The following CCDC180 variants were observed in gnomAD, a reference collection of about 807,000 sequenced individuals.
The protein encoded by CCDC180 is coiled-coil domain-containing protein 180.
Under a neutral mutation model 209.2 loss-of-function variants are expected in CCDC180, and 154 were observed. That is an observed-to-expected ratio of 0.74 (90% CI 0.65 to 0.84). The LOEUF is 0.84. Ranked by LOEUF, CCDC180 falls within the 40% of genes least tolerant of loss-of-function variation. CCDC180 has a pLI of 0.00. For missense variants in CCDC180, 1,874 were observed against 1,997.3 expected (o/e 0.94, Z 1.18); for synonymous variants, 778 against 749.1 (o/e 1.04, Z -0.63).
intron 22 of CCDC180, among the ~76,000 whole-genome samples, chr9:97,351,997 C>T (rs1380987842): frequency 6.6e-6 from 1 of 152,070 alleles, no homozygotes; most frequent in Non-Finnish European, 1.5e-5. Context: ...CCTGTAATCC[C>T]AGGTACTTGG....
chr9:97,308,522 G>A (rs571716719), intron 2 of CCDC180, among the ~76,000 whole-genome samples: 10 of 152,136 alleles, frequency 6.6e-5, no homozygotes, highest in African/African-American at 1.7e-4. Context: ...TTCTATGCCC[G>A]TGGGCGCCCA....
Position 97,349,206 on chromosome 9 carries a change from G to C in CCDC180, c.2770G>C (p.Glu924Gln). ...GCGGCTGATGTTCTGCCAGTTCCAA[G>C]AAGAGCAAAACGTGAGGAGCAAAAA... ...KKRLMFCQFQ[E>Q]EQNVRSKNFR... The change falls in exon 21 of 37, where the codon GAA becomes CAA. Residue 924 changes from glutamate (E) to glutamine (Q), a missense_variant. Coordinates refer to ENST00000529487, the MANE Select transcript of CCDC180 (RefSeq NM_020893.6). The C allele has an allele frequency of 6.5e-7, 1 of 1,536,626 alleles. No individual in the cohort carries two copies.
intron 18 of CCDC180, among the ~76,000 whole-genome samples, chr9:97,341,134 G>C (rs568311596): frequency 8.3e-4 from 127 of 152,270 alleles, no homozygotes; most frequent in African/African-American, 2.9e-3. Context: ...TGTGACCCAC[G>C]TGACCTTACC....
chr9:97,374,276 G>A (rs942157224), intron 34 of CCDC180: 4 of 432,852 alleles, frequency 9.2e-6, no homozygotes, highest in South Asian at 7.3e-5. Context: ...CTGCAGCAAC[G>A]TCAGAGCATC....
rs936516216 is a variant in CCDC180, at chr9:97,360,173, C to T, written c.3483+72C>T. On this transcript the variant is annotated intron_variant, in intron 26 of 36. Transcript: ENST00000529487. ...CTGGGCTCCCAGGAGACCTGCAGGGCTCAGTAGAGCCAAAGGGAAGAGGGG... is the reference window on the plus strand; with the variant it reads ...CTGGGCTCCCAGGAGACCTGCAGGGTTCAGTAGAGCCAAAGGGAAGAGGGG... 12 of 1,560,874 alleles carry T rather than the reference C, an allele frequency of 7.7e-6. No homozygotes were observed. The African/African-American group carries it at 1.2e-4, about 16-fold the overall frequency.
chr9:97,351,216 T>C (rs1826411491), intron 22 of CCDC180, among the ~76,000 whole-genome samples: 1 of 152,252 alleles, frequency 6.6e-6, no homozygotes, highest in South Asian at 2.1e-4. Flanking sequence ...TGTTTAACTT[T>C]GAGAGGAACC....
At chr9:97,318,398 T>C (rs1833247891) in intron 9 of CCDC180, 65 bp from the exon 10 acceptor site, 2 of 1,584,038 alleles carry the variant, frequency 1.3e-6, no homozygotes, top group Non-Finnish European at 1.7e-6. Context: ...TGGTTCTCTT[T>C]CCCTCTCTCA....
chr9:97,363,986 C>T (rs1826841120), intron 28 of CCDC180, 65 bp from the exon 29 acceptor site: 1 of 1,494,242 alleles, frequency 6.7e-7, no homozygotes, highest in African/African-American at 1.4e-5. Flanking sequence ...AGGGATCCTG[C>T]AGGCTCAGAC....
intron 8 of CCDC180, 88 bp from the exon 9 acceptor site, chr9:97,316,977 G>A: frequency 3.0e-6 from 4 of 1,326,862 alleles, no homozygotes; most frequent in Non-Finnish European, 4.1e-6. Context: ...CCCCTCTCCA[G>A]CCTCCCACTG....
chr9:97,358,939 G>A (rs79115393), intron 25 of CCDC180, among the ~76,000 whole-genome samples: 10,752 of 152,120 alleles, frequency 0.071, 531 homozygotes, highest in Non-Finnish European at 0.095. Context: ...ATAGTTTATT[G>A]CATGACTCTT....
At position 97,360,061 on chromosome 9, in the gene CCDC180, G is replaced by A. The variant is rs1242047179; in HGVS notation, c.3443G>A (p.Cys1148Tyr). 6.2e-7 allele frequency: 1 copy of A among 1,614,024 alleles called. No individual in the cohort carries two copies. Among genetic ancestry groups the A allele is most frequent in the Non-Finnish European group, 8.5e-7 (1 of 1,179,926 alleles). Residue 1148 changes from cysteine to tyrosine, a missense_variant, in exon 26 of 37, where the codon TGC (cysteine) becomes TAC (tyrosine). Cys to Tyr is a radical substitution (Grantham distance 194, BLOSUM62 -2). Coordinates refer to ENST00000529487, the MANE Select transcript of CCDC180 (RefSeq NM_020893.6). ...KLSQRIQYLN[C>Y]SLDRVSMTEL... is the part of the protein sequence containing the mutation. ...AGCCAGAGGATTCAGTACCTTAACT[G>A]CAGCCTGGACAGGGTGTCCATGACT...
rs776990799 is a variant in CCDC180, at chr9:97,325,027, C to T, written c.1380C>T (p.Phe460=). 2.0e-5 allele frequency: 33 copies of T among 1,613,340 alleles called. No individual in the cohort carries two copies. The highest frequency in any genetic ancestry group is 1.0e-4 in the Admixed American group (6 of 59,992). ...EEDLELLDKS[F]ETLADQTEWQ... Reference sequence around the variant, plus strand: ...GGGCTCTGCCACTGCAGAAATCCTTCGAGACTCTGGCAGATCAGACAGAGT... The same window carrying T: ...GGGCTCTGCCACTGCAGAAATCCTTTGAGACTCTGGCAGATCAGACAGAGT... Residue 460 remains phenylalanine (F), a synonymous_variant, in exon 14 of 37, where the codon TTC becomes TTT. Transcript: ENST00000529487.
At chr9:97,307,458 T>G, upstream of CCDC180, 1 of 594,826 alleles carries the variant, frequency 1.7e-6, no homozygotes. Flanking sequence ...CAGGGGCTGC[T>G]CAGTCTACTT....
intron 8 of CCDC180, among the ~76,000 whole-genome samples, chr9:97,316,801 C>A (rs1833187650): frequency 6.6e-6 from 1 of 152,180 alleles, no homozygotes; most frequent in South Asian, 2.1e-4. Flanking sequence ...TCTGAAGTGA[C>A]CTTGGAGCTG....
rs77774044 is a variant in CCDC180, at chr9:97,347,125, A to G, written c.2499-189A>G. On this transcript the variant is annotated intron_variant, in intron 19 of 36. Transcript: ENST00000529487. The stretch of plus-strand genomic sequence containing the variant: ...CCAAAGAAACAATTCTACATCTGAC[A>G]TACATAATGTCCTCCAGCAGTGGTA... Among the ~76,000 whole-genome samples, 827 of 152,356 alleles carry G rather than the reference A, an allele frequency of 5.4e-3. 12 individuals are homozygous for G. Among genetic ancestry groups the G allele is most frequent in the African/African-American group, 0.019 (785 of 41,586 alleles).
At chr9:97,373,051 T>C (rs978215955) in intron 34 of CCDC180, 1 of 152,214 alleles carries the variant, frequency 6.6e-6, no homozygotes, top group Admixed American at 6.5e-5. Flanking sequence ...TTAAAACACA[T>C]GCATGATATC....
intron 18 of CCDC180, among the ~76,000 whole-genome samples, chr9:97,335,448 G>A (rs917968728): frequency 2.0e-5 from 3 of 152,042 alleles, no homozygotes; most frequent in Admixed American, 6.6e-5. Flanking sequence ...CTATCCTTGC[G>A]ATAGTTTGCT....
chr9:97,365,816 T>C, intron 30 of CCDC180, 77 bp downstream of exon 30: 1 of 1,320,586 alleles, frequency 7.6e-7, no homozygotes, highest in Non-Finnish European at 1.1e-6. Flanking sequence ...TCATGGCCGC[T>C]TGGGGGAAAA....
chr9:97,370,163 G>A, intron 32 of CCDC180, 81 bp downstream of exon 32: 1 of 1,471,330 alleles, frequency 6.8e-7, no homozygotes, highest in Non-Finnish European at 9.2e-7. Flanking sequence ...TGTGGGCAGG[G>A]CCAAGTCCAA....
Sources: gnomAD v4.1 joint callset for allele counts (sites outside exome capture counted in the v4.1 genomes callset) on GRCh38, gnomAD v4.1.1 for gene constraint, MANE v1.5 for transcripts, NCBI Gene and HGNC (gene_info 2026-07-23, HGNC 2026-07-21) for gene names.